TNMD: variants seen among roughly 807,000 people sequenced by gnomAD.
TNMD encodes the protein BRICHOS domain containing 4.
A neutral mutation model predicts 26.9 loss-of-function variants in TNMD; 15 were observed. That is an observed-to-expected ratio of 0.56 (90% CI 0.37 to 0.86). TNMD has a LOEUF of 0.86. Ranked by LOEUF, TNMD falls within the 40% of genes least tolerant of loss-of-function variation. TNMD has a pLI of 0.00. For synonymous variants in TNMD, 73 were observed against 77.0 expected (o/e 0.95, Z 0.27); for missense variants, 222 against 242.6 (o/e 0.92, Z 0.56).
intron 2 of TNMD, among the ~76,000 whole-genome samples, chrX:100,585,965 C>T (rs1195492786): frequency 8.9e-6 from 1 of 112,070 alleles, no homozygotes; most frequent in African/African-American, 3.2e-5. Context: ...TAGAAGCATG[C>T]GACACCAAGT....
Position 100,599,581 on chromosome X carries a change from A to G in TNMD, c.818A>G (p.Asn273Ser). 1 of 1,211,022 alleles carries G rather than the reference A, an allele frequency of 8.3e-7. No individual in the cohort carries two copies. The highest frequency in any genetic ancestry group is 3.0e-5 in the East Asian group (1 of 33,823). The change falls in exon 7 of 7, where the codon AAC (asparagine) becomes AGC (serine). Residue 273 changes from asparagine (N) to serine (S), a missense_variant. Transcript: ENST00000373031. ...TGTTGTATTTACTGCCGTCGAGGCA[A>G]CCGCTATTGCCGCCGCGTCTGTGAA... ...GYCCIYCRRGNRYCRRVCEPL... is the reference protein window; with the variant it reads ...GYCCIYCRRGSRYCRRVCEPL...
At chrX:100,587,823 C>T (rs145066668) in intron 2 of TNMD, among the ~76,000 whole-genome samples, 2 of 111,940 alleles carry the variant, frequency 1.8e-5, no homozygotes, top group African/African-American at 6.5e-5. Context: ...GAAAGGGACA[C>T]AGGCATCTTA....
intron 2 of TNMD, among the ~76,000 whole-genome samples, chrX:100,589,298 G>A (rs1299426746): frequency 9.4e-6 from 1 of 106,949 alleles, no homozygotes; most frequent in African/African-American, 3.4e-5. Flanking sequence ...AAAGTTGAAG[G>A]AGTAGCCGGA....
chrX:100,594,066 C>T (rs1348961401), intron 3 of TNMD, 31 bp downstream of exon 3: 1 of 1,183,588 alleles, frequency 8.4e-7, no homozygotes, highest in East Asian at 3.0e-5. Flanking sequence ...CTAAGGCTTT[C>T]CACTTAAAAT....
chrX:100,589,362 CAAAAAAAAAA>C (rs60496840), intron 2 of TNMD, among the ~76,000 whole-genome samples: 182 of 60,934 alleles, frequency 3.0e-3, no homozygotes, highest in African/African-American at 9.6e-3. Context: ...TTGGCATTTT[CAAAAAAAAAA>C]AAAAAAAAAA....
At chrX:100,588,284 GCACAGACTCACACACA>G (rs2082927626) in intron 2 of TNMD, among the ~76,000 whole-genome samples, 1 of 109,920 alleles carries the variant, frequency 9.1e-6, no homozygotes, top group Admixed American at 9.6e-5. Context: ...GTGTGCACAC[GCACAGACTCACACACA>G]CACAGACACA....
chrX:100,594,341 A>T lies in TNMD; in HGVS notation c.402A>T (p.Glu134Asp). ...TQIKVIPEFS[E>D]PEEEIDENEE... ...TTAAAGTGATTCCTGAATTTTCTGA[A>T]CCAGAAGAGGAAATAGATGAGGTAT... The change falls in exon 4 of 7, where the codon GAA (glutamate) becomes GAT (aspartate). Residue 134 changes from glutamate to aspartate, a missense_variant. Transcript: ENST00000373031. 1 of 1,187,408 alleles carries T rather than the reference A, an allele frequency of 8.4e-7. No individual in the cohort carries two copies. Among genetic ancestry groups the T allele is most frequent in the Non-Finnish European group, 1.1e-6 (1 of 878,343 alleles).
rs757961498 is a variant in TNMD, at chrX:100,599,652, C to A, written c.889C>A (p.Arg297=). The A allele has an allele frequency of 1.7e-5, 21 of 1,209,841 alleles. No individual in the cohort carries two copies. The South Asian group carries it at 3.5e-4, about 20-fold the overall frequency. The change falls in exon 7 of 7, where the codon CGA becomes AGA. Residue 297 remains arginine, a synonymous_variant. Coordinates refer to ENST00000373031, the MANE Select transcript of TNMD (RefSeq NM_022144.3). ...ATATCCATACTGCTACCAAGGAGGA[C>A]GAGTCATCTGTCGTGTCATCATGCC... is the stretch of plus-strand genomic sequence containing the variant. The part of the protein sequence containing the change: ...YPYPYCYQGG[R]VICRVIMPCN...
rs1416729793 is a variant in TNMD, at chrX:100,597,488, T to A, written c.424-16T>A. Reference sequence around the variant, plus strand: ...TTCTCTGCCAATCCCTACCCTAAGCTACTTTCTTCTTTCAGAATGAAGAAA... The same window carrying A: ...TTCTCTGCCAATCCCTACCCTAAGCAACTTTCTTCTTTCAGAATGAAGAAA... On this transcript the variant is annotated splice_polypyrimidine_tract_variant and intron_variant, in intron 4 of 6. Coordinates refer to ENST00000373031, the MANE Select transcript of TNMD (RefSeq NM_022144.3). The A allele has an allele frequency of 1.1e-5, 13 of 1,210,582 alleles. No individual in the cohort carries two copies. Among genetic ancestry groups the A allele is most frequent in the Non-Finnish European group, 1.5e-5 (13 of 894,678 alleles).
intron 2 of TNMD, among the ~76,000 whole-genome samples, chrX:100,590,864 C>A (rs971298134): frequency 8.9e-6 from 1 of 111,878 alleles, no homozygotes; most frequent in Non-Finnish European, 1.9e-5. Flanking sequence ...TGGTTTTAGC[C>A]ATTGAAAGTA....
At position 100,599,179 on chromosome X, in the gene TNMD, C is replaced by G; in HGVS notation, c.741C>G (p.Asp247Glu). The G allele has an allele frequency of 8.5e-7, 1 of 1,181,344 alleles. No homozygotes were observed. Among genetic ancestry groups the G allele is most frequent in the Non-Finnish European group, 1.1e-6 (1 of 880,613 alleles). The change falls in exon 6 of 7, where the codon GAC becomes GAG. Residue 247 changes from aspartate (D) to glutamate (E), a missense_variant. Asp to Glu is a conservative substitution (Grantham distance 45, BLOSUM62 2). Coordinates refer to ENST00000373031, the MANE Select transcript of TNMD (RefSeq NM_022144.3). ...QASEEELPIN[D>E]YTENGIEFDP... ...GTGAGGAAGAACTTCCAATAAATGA[C>G]TATGTGAGTTATGTTTATGTAAACT...
chrX:100,585,299 G>T lies in TNMD; in HGVS notation c.117G>T (p.Leu39=). 8.3e-7 allele frequency: 1 copy of T among 1,210,618 alleles called. No individual in the cohort carries two copies. The change falls in exon 2 of 7, where the codon CTG becomes CTT. Residue 39 remains leucine, a synonymous_variant. Coordinates refer to ENST00000373031, the MANE Select transcript of TNMD (RefSeq NM_022144.3). ...LKICGLVFGI[L]ALTLIVLFWG... is the part of the protein sequence containing the mutation. ...TTTGTGGACTGGTGTTTGGTATCCT[G>T]GCCCTAACTCTAATTGTCCTGTTTT...
In TNMD at chrX:100,589,139, T is replaced by C. The variant is rs187908100; in HGVS notation, c.180+3777T>C. Reference sequence around the variant, plus strand: ...CGTGCCTATTTCTTGGCACGCACAATTGGGCATTAGCCCAATATTAACTTT... The same window carrying C: ...CGTGCCTATTTCTTGGCACGCACAACTGGGCATTAGCCCAATATTAACTTT... On this transcript the variant is annotated intron_variant, in intron 2 of 6. Coordinates refer to ENST00000373031, the MANE Select transcript of TNMD (RefSeq NM_022144.3). 7.6e-3 allele frequency among the ~76,000 whole-genome samples: 849 copies of C among 111,129 alleles called. 8 individuals carry two copies. Among genetic ancestry groups the C allele is most frequent in the African/African-American group, 0.026 (798 of 30,571 alleles).
chrX:100,599,071 C>A lies in TNMD; in HGVS notation c.633C>A (p.Asn211Lys). The change falls in exon 6 of 7, where the codon AAC becomes AAA. Residue 211 changes from asparagine (N) to lysine (K), a missense_variant. Transcript: ENST00000373031. ...EEGEDLHFPA[N>K]EKKGIEQNEQ... is the part of the protein sequence containing the mutation. ...GAGAAGATCTTCACTTTCCTGCCAA[C>A]GAAAAAAAAGGGATTGAACAAAATG... 1.7e-6 allele frequency: 2 copies of A among 1,202,326 alleles called. No homozygotes were observed. Among genetic ancestry groups the A allele is most frequent in the Non-Finnish European group, 2.2e-6 (2 of 890,775 alleles).
At chrX:100,589,362 CAAAAAA>C (rs60496840) in intron 2 of TNMD, among the ~76,000 whole-genome samples, 2 of 60,930 alleles carry the variant, frequency 3.3e-5, no homozygotes, top group Non-Finnish European at 6.4e-5. Context: ...TTGGCATTTT[CAAAAAA>C]AAAAAAAAAA....
intron 2 of TNMD, among the ~76,000 whole-genome samples, chrX:100,589,806 G>A (rs1038874192): frequency 1.7e-4 from 19 of 111,384 alleles, no homozygotes; most frequent in Non-Finnish European, 2.6e-4. Flanking sequence ...TAGGAACTGA[G>A]TCCCTAGAGA....
intron 5 of TNMD, 100 bp downstream of exon 5, chrX:100,597,757 C>T (rs951545143): frequency 3.1e-5 from 28 of 896,915 alleles, no homozygotes; most frequent in Non-Finnish European, 4.5e-5. Context: ...AACAAATGAT[C>T]GGTTTATATC....
chrX:100,594,163 G>A, intron 3 of TNMD, 98 bp from the exon 4 acceptor site: 2 of 953,384 alleles, frequency 2.1e-6, no homozygotes, highest in Non-Finnish European at 2.9e-6. Context: ...CTTTCCATTT[G>A]AATTCAAATT....
chrX:100,593,555 G>T (rs2082944074), intron 2 of TNMD: 4 of 174,622 alleles, frequency 2.3e-5, no homozygotes, highest in Non-Finnish European at 1.8e-5. Flanking sequence ...AAGCCCTAAT[G>T]AATTTCACGG....
Sources: gnomAD v4.1 joint callset for allele counts (sites outside exome capture counted in the v4.1 genomes callset) on GRCh38, gnomAD v4.1.1 for gene constraint, MANE v1.5 for transcripts, NCBI Gene and HGNC (gene_info 2026-07-23, HGNC 2026-07-21) for gene names.